USP12: variants seen among roughly 807,000 people sequenced by gnomAD.
USP12 encodes the protein ubiquitin carboxyl-terminal hydrolase 12.
Under a neutral mutation model 45.5 loss-of-function variants are expected in USP12, and 19 were observed. The observed-to-expected ratio is 0.42, with a 90% CI of 0.29 to 0.61. The LOEUF is 0.61. Ranked by LOEUF, USP12 falls within the 20% of genes least tolerant of loss-of-function variation. The pLI, the probability that USP12 is intolerant of heterozygous loss-of-function variation, is 0.22. For missense variants in USP12, 242 were observed against 447.7 expected, an observed-to-expected ratio of 0.54 and a Z score of 4.15; for synonymous variants, 149 against 148.8, an observed-to-expected ratio of 1.00 and a Z score of -0.01.
chr13:27,143,838 A>G (rs186572316), intron 1 of USP12, among the ~76,000 whole-genome samples: 98 of 152,370 alleles, frequency 6.4e-4, no homozygotes, highest in African/African-American at 2.3e-3. Flanking sequence ...AAATTAAAAG[A>G]CACCATAAGG....
intron 3 of USP12, among the ~76,000 whole-genome samples, chr13:27,102,963 C>CA (rs1874944765): frequency 6.6e-6 from 1 of 152,224 alleles, no homozygotes; most frequent in African/African-American, 2.4e-5. Context: ...TATGCAGGAG[C>CA]ACTGTGCAAC....
At chr13:27,076,605 T>C (rs943276519) in intron 6 of USP12, among the ~76,000 whole-genome samples, 7 of 152,218 alleles carry the variant, frequency 4.6e-5, no homozygotes, top group African/African-American at 1.7e-4. Context: ...TTCATTTTTA[T>C]TTCCCCACTA....
intron 6 of USP12, among the ~76,000 whole-genome samples, chr13:27,082,044 G>A (rs2137761479): frequency 6.6e-6 from 1 of 152,290 alleles, no homozygotes; most frequent in East Asian, 1.9e-4. Context: ...AATGAATACT[G>A]GCTTCAACTT....
intron 7 of USP12, 71 bp downstream of exon 7, chr13:27,075,120 T>C: frequency 1.4e-6 from 2 of 1,443,794 alleles, no homozygotes; most frequent in Non-Finnish European, 1.9e-6. Flanking sequence ...GAATAATTCA[T>C]GAACATCTTG....
chr13:27,130,561 CAA>C lies in USP12; in HGVS notation c.49-13967_49-13966del, dbSNP rs5802413. Reference sequence around the variant, plus strand: ...ACACAAAAAAAATCACAAAACATGCCAAAAAAAAAAAAAAAGGAAAATATGGT... The same window carrying C: ...ACACAAAAAAAATCACAAAACATGCCAAAAAAAAAAAAAGGAAAATATGGT... On this transcript the variant is annotated intron_variant, in intron 1 of 8. Transcript: ENST00000282344. 4.6e-3 allele frequency among the ~76,000 whole-genome samples: 573 copies of C among 124,752 alleles called. 3 individuals are homozygous for C. Among genetic ancestry groups the C allele is most frequent in the East Asian group, 0.038 (167 of 4,378 alleles). 81.8% of individuals were successfully genotyped at this position (124,752 alleles called of 152,430 possible). A position where few individuals can be genotyped will look rare whatever the true frequency, so the allele number is the denominator to read the frequency against.
In USP12 at chr13:27,155,228, C is replaced by T. The variant is rs1014547996; in HGVS notation, c.48+16364G>A. Among the ~76,000 whole-genome samples the T allele has an allele frequency of 7.9e-5, 12 of 151,670 alleles. No homozygotes were observed. In the East Asian group the frequency reaches 2.3e-3, roughly 29 times the overall value. ...TCCCAAGTAGCTGGGACTACAGGCG[C>T]GTGCCACCATGCCCGGCTAATTTTT... On this transcript the variant is annotated intron_variant, in intron 1 of 8. Coordinates refer to ENST00000282344, the MANE Select transcript of USP12 (RefSeq NM_182488.4).
chr13:27,083,603 C>A (rs1297971516), intron 6 of USP12, among the ~76,000 whole-genome samples: 1 of 152,186 alleles, frequency 6.6e-6, no homozygotes, highest in Non-Finnish European at 1.5e-5. Flanking sequence ...ACATTTCCCA[C>A]ACTGCTATCT....
chr13:27,115,159 G>A (rs138411109), intron 2 of USP12, among the ~76,000 whole-genome samples: 71 of 152,246 alleles, frequency 4.7e-4, no homozygotes, highest in African/African-American at 1.6e-3. Context: ...CTCTCCAGGG[G>A]ATAAAGACAA....
chr13:27,144,687 T>C (rs957319721), intron 1 of USP12, among the ~76,000 whole-genome samples: 1 of 151,022 alleles, frequency 6.6e-6, no homozygotes, highest in African/African-American at 2.4e-5. Flanking sequence ...ATGACTGTGG[T>C]TCAAAAAAAC....
chr13:27,119,883 C>T (rs560097551), intron 1 of USP12, among the ~76,000 whole-genome samples: 3 of 152,312 alleles, frequency 2.0e-5, no homozygotes, highest in Admixed American at 1.3e-4. Context: ...AATGACACTG[C>T]GCAGCAGATT....
At chr13:27,168,852 G>A (rs1356647617) in intron 1 of USP12, 1 of 152,140 alleles carries the variant, frequency 6.6e-6, no homozygotes, top group African/African-American at 2.4e-5. Context: ...ATTTGCCCAG[G>A]TACGTTATTT....
intron 6 of USP12, among the ~76,000 whole-genome samples, chr13:27,085,594 G>A (rs1873975439): frequency 6.6e-6 from 1 of 151,772 alleles, no homozygotes; most frequent in Non-Finnish European, 1.5e-5. Context: ...ATTCATCCAA[G>A]TAAAGGTCAA....
chr13:27,074,154 A>T (rs1873368231), intron 7 of USP12, among the ~76,000 whole-genome samples: 1 of 152,170 alleles, frequency 6.6e-6, no homozygotes, highest in Non-Finnish European at 1.5e-5. Flanking sequence ...TAATCCCAGC[A>T]CTTTGGGAGG....
intron 1 of USP12, among the ~76,000 whole-genome samples, chr13:27,118,561 T>G (rs1280614760): frequency 6.6e-6 from 1 of 152,204 alleles, no homozygotes; most frequent in Non-Finnish European, 1.5e-5. Flanking sequence ...AAGTACTTTG[T>G]CACAGAAGTC....
At chr13:27,142,076 C>T (rs1189614627) in intron 1 of USP12, among the ~76,000 whole-genome samples, 3 of 152,132 alleles carry the variant, frequency 2.0e-5, no homozygotes, top group South Asian at 2.1e-4. Context: ...GAGCTGAGAT[C>T]GTGCCACTAC....
intron 6 of USP12, among the ~76,000 whole-genome samples, chr13:27,078,691 A>C (rs1330993359): frequency 1.3e-5 from 2 of 151,986 alleles, no homozygotes; most frequent in East Asian, 1.9e-4. Context: ...AAGGTCAATT[A>C]ACTAAGAGAA....
intron 1 of USP12, among the ~76,000 whole-genome samples, chr13:27,159,743 A>G (rs1047234008): frequency 6.6e-6 from 1 of 152,232 alleles, no homozygotes; most frequent in Non-Finnish European, 1.5e-5. Flanking sequence ...TCAGACTCCT[A>G]TATAAGTTCC....
intron 1 of USP12, among the ~76,000 whole-genome samples, chr13:27,131,267 G>A (rs1876487394): frequency 6.6e-6 from 1 of 152,206 alleles, no homozygotes; most frequent in South Asian, 2.1e-4. Flanking sequence ...CCCTCCTGGT[G>A]AGAGGGTGAG....
intron 6 of USP12, among the ~76,000 whole-genome samples, chr13:27,086,185 AAAAAAAAAAAAAATATATAT>A (rs1210180430): frequency 1.7e-5 from 1 of 58,852 alleles, no homozygotes; most frequent in Non-Finnish European, 3.8e-5. Flanking sequence ...AAAAAAAAAA[AAAAAAAAAAAAAATATATAT>A]ATATATATAT....
Sources: gnomAD v4.1 joint callset for allele counts (sites outside exome capture counted in the v4.1 genomes callset) on GRCh38, gnomAD v4.1.1 for gene constraint, MANE v1.5 for transcripts, NCBI Gene and HGNC (gene_info 2026-07-23, HGNC 2026-07-21) for gene names.